The following CTNND2 variants were observed in gnomAD, a reference collection of about 807,000 sequenced individuals.
CTNND2 encodes the protein catenin delta-2.
CTNND2 carries 22 observed loss-of-function variants against 144.4 expected under a neutral mutation model. That is an observed-to-expected ratio of 0.15 (90% confidence interval 0.11 to 0.22). CTNND2 has a LOEUF of 0.22. Ranked by LOEUF, CTNND2 falls within the 10% of genes least tolerant of loss-of-function variation. The pLI is 1.00. For missense variants in CTNND2, 1,353 were observed against 1,618.8 expected (o/e 0.84, Z 2.82); for synonymous variants, 751 against 695.6 (o/e 1.08, Z -1.25).
chr5:10,986,382 G>A (rs565718566), intron 20 of CTNND2, among the ~76,000 whole-genome samples: 15 of 152,294 alleles, frequency 9.8e-5, no homozygotes, highest in African/African-American at 3.4e-4. Context: ...TAATGCAGTC[G>A]ATCTCACAAC....
intron 1 of CTNND2, among the ~76,000 whole-genome samples, chr5:11,765,896 T>C (rs1438897686): frequency 2.0e-5 from 3 of 152,228 alleles, no homozygotes; most frequent in Non-Finnish European, 4.4e-5. Context: ...TACATCAGAA[T>C]AGATCTGTTA....
chr5:11,511,723 C>T (rs1352326187), intron 3 of CTNND2, among the ~76,000 whole-genome samples: 1 of 152,098 alleles, frequency 6.6e-6, no homozygotes, highest in African/African-American at 2.4e-5. Flanking sequence ...GAAATCCTCC[C>T]CCATTGTGAA....
chr5:11,479,100 C>A (rs1180681338), intron 3 of CTNND2, among the ~76,000 whole-genome samples: 1 of 152,120 alleles, frequency 6.6e-6, no homozygotes, highest in African/African-American at 2.4e-5. Flanking sequence ...TACCCAAGTA[C>A]TAAGACCTGT....
At chr5:11,450,364 C>T (rs796317150) in intron 3 of CTNND2, among the ~76,000 whole-genome samples, 13 of 152,300 alleles carry the variant, frequency 8.5e-5, no homozygotes, top group African/African-American at 2.6e-4. Flanking sequence ...ACAGAACAGT[C>T]GTGCCTTCAG....
chr5:11,124,711 C>T (rs553133879), intron 12 of CTNND2, among the ~76,000 whole-genome samples: 4 of 152,264 alleles, frequency 2.6e-5, no homozygotes, highest in South Asian at 2.1e-4. Context: ...AACCCCTGAC[C>T]GAGATTCTCA....
intron 10 of CTNND2, among the ~76,000 whole-genome samples, chr5:11,207,940 A>C (rs1184875050): frequency 1.3e-5 from 2 of 152,220 alleles, no homozygotes; most frequent in African/African-American, 4.8e-5. Context: ...GACTCAGATT[A>C]TCAAGATTGA....
intron 3 of CTNND2, among the ~76,000 whole-genome samples, chr5:11,510,863 G>A (rs953380425): frequency 2.6e-5 from 4 of 151,924 alleles, no homozygotes; most frequent in Non-Finnish European, 4.4e-5. Flanking sequence ...CCCAAGAGGC[G>A]GAGGTTGCAG....
intron 9 of CTNND2, among the ~76,000 whole-genome samples, chr5:11,264,772 A>C (rs1745271523): frequency 6.6e-6 from 1 of 152,126 alleles, no homozygotes; most frequent in African/African-American, 2.4e-5. Flanking sequence ...TGTACTAAAA[A>C]TACAAAAAAT....
chr5:11,572,345 T>C (rs570386326), intron 2 of CTNND2, among the ~76,000 whole-genome samples: 9 of 152,282 alleles, frequency 5.9e-5, no homozygotes, highest in African/African-American at 2.2e-4. Context: ...TCGGTCAACT[T>C]TCCTGCTGTG....
At chr5:11,004,770 CAA>C (rs56261802) in intron 18 of CTNND2, among the ~76,000 whole-genome samples, 148 of 88,832 alleles carry the variant, frequency 1.7e-3, no homozygotes, top group Middle Eastern at 5.6e-3. Flanking sequence ...CTCCTTCTCA[CAA>C]AAAAAAAAAA....
chr5:11,423,122 A>AG (rs1239955438), intron 3 of CTNND2, among the ~76,000 whole-genome samples: 1 of 152,232 alleles, frequency 6.6e-6, no homozygotes, highest in Non-Finnish European at 1.5e-5. Flanking sequence ...CCAGTTGGCC[A>AG]GGGGTACTGT....
At chr5:11,202,220 C>T (rs1446064109) in intron 10 of CTNND2, among the ~76,000 whole-genome samples, 1 of 151,754 alleles carries the variant, frequency 6.6e-6, no homozygotes, top group African/African-American at 2.4e-5. Flanking sequence ...ATTAATATTC[C>T]TAATTTATTA....
chr5:11,825,536 T>A (rs1007269754), intron 1 of CTNND2, among the ~76,000 whole-genome samples: 27 of 152,238 alleles, frequency 1.8e-4, no homozygotes, highest in African/African-American at 5.8e-4. Context: ...TGTGAAGAAA[T>A]AATTCCTGAG....
At chr5:11,437,964 G>A (rs148816181) in intron 3 of CTNND2, among the ~76,000 whole-genome samples, 25 of 152,228 alleles carry the variant, frequency 1.6e-4, no homozygotes, top group Admixed American at 2.0e-4. Context: ...TTCCCTGCAG[G>A]GTCAGTATAG....
At chr5:11,663,072 T>C (rs1783361684) in intron 2 of CTNND2, among the ~76,000 whole-genome samples, 1 of 152,162 alleles carries the variant, frequency 6.6e-6, no homozygotes, top group African/African-American at 2.4e-5. Flanking sequence ...GATTTTTGTT[T>C]TAAGAAATGC....
chr5:11,548,990 C>G (rs367674138), intron 3 of CTNND2, among the ~76,000 whole-genome samples: 1 of 152,112 alleles, frequency 6.6e-6, no homozygotes, highest in Non-Finnish European at 1.5e-5. Context: ...CTTCTGCATC[C>G]CTACCCCAAA....
intron 9 of CTNND2, among the ~76,000 whole-genome samples, chr5:11,294,623 G>A (rs1165706849): frequency 6.6e-6 from 1 of 152,088 alleles, no homozygotes; most frequent in African/African-American, 2.4e-5. Flanking sequence ...ACATCAAAAA[G>A]CTTATCCACC....
intron 9 of CTNND2, among the ~76,000 whole-genome samples, chr5:11,281,392 A>G (rs1747098774): frequency 6.6e-6 from 1 of 152,206 alleles, no homozygotes; most frequent in South Asian, 2.1e-4. Context: ...GTGCTACTGA[A>G]AGCAAACAGT....
chr5:11,152,512 A>G (rs1757835019), intron 12 of CTNND2, among the ~76,000 whole-genome samples: 1 of 152,190 alleles, frequency 6.6e-6, no homozygotes, highest in Non-Finnish European at 1.5e-5. Flanking sequence ...TTCCATAAGA[A>G]TGAAATGGAC....
Sources: allele counts gnomAD v4.1 joint callset (sites outside exome capture counted in the v4.1 genomes callset), GRCh38; gene constraint gnomAD v4.1.1; transcripts MANE v1.5; gene names NCBI Gene and HGNC (gene_info 2026-07-23, HGNC 2026-07-21).